Variants in EPB41L4B observed in about 807,000 individuals in gnomAD.
EPB41L4B encodes the protein erythrocyte membrane protein band 4.1 like 4B.
In EPB41L4B, 30 loss-of-function variants were observed where a neutral mutation model predicts 112.5. The observed-to-expected ratio is 0.27, with a 90% CI of 0.20 to 0.36. The LOEUF (loss-of-function observed/expected upper bound fraction) is 0.36, where lower values mean the gene tolerates loss of function less well. Ranked by LOEUF, EPB41L4B falls within the 10% of genes least tolerant of loss-of-function variation. The pLI, the probability that EPB41L4B is intolerant of heterozygous loss-of-function variation, is 1.00. For missense variants in EPB41L4B, 1,024 were observed against 1,133.3 expected, an observed-to-expected ratio of 0.90 and a Z score of 1.38; for synonymous variants, 408 against 439.7, an observed-to-expected ratio of 0.93 and a Z score of 0.90.
chr9:109,252,281 T>C (rs1443017033), intron 12 of EPB41L4B, among the ~76,000 whole-genome samples: 2 of 152,180 alleles, frequency 1.3e-5, no homozygotes, highest in African/African-American at 4.8e-5. Flanking sequence ...CACTGAGCTA[T>C]TTCTGGACAA....
At position 109,197,064 on chromosome 9, in the gene EPB41L4B, G is replaced by T. The variant is rs182756549; in HGVS notation, c.2046-2667C>A. Among the ~76,000 whole-genome samples the T allele has an allele frequency of 6.9e-4, 105 of 152,304 alleles. No individual in the cohort carries two copies. The East Asian group carries it at 0.019, about 28-fold the overall frequency. On this transcript the variant is annotated intron_variant, in intron 20 of 25. Coordinates refer to ENST00000374566, the MANE Select transcript of EPB41L4B (RefSeq NM_019114.5). ...AAAAAATATTTTCCAGAAAATCAGA[G>T]ATCTGAGTTTTCCCATTTATATTCC...
At chr9:109,306,183 C>T (rs1837183946) in intron 1 of EPB41L4B, among the ~76,000 whole-genome samples, 1 of 152,126 alleles carries the variant, frequency 6.6e-6, no homozygotes, top group Non-Finnish European at 1.5e-5. Context: ...CGAGTAAATG[C>T]TATAAGGATT....
intron 1 of EPB41L4B, among the ~76,000 whole-genome samples, chr9:109,283,236 T>C (rs1836138849): frequency 1.3e-5 from 2 of 152,188 alleles, no homozygotes; most frequent in Admixed American, 1.3e-4. Context: ...GGTTCTCCCC[T>C]GACTTGTGTA....
chr9:109,285,372 C>T (rs1836232752), intron 1 of EPB41L4B, among the ~76,000 whole-genome samples: 1 of 152,194 alleles, frequency 6.6e-6, no homozygotes, highest in Non-Finnish European at 1.5e-5. Flanking sequence ...GCAGGTCCCT[C>T]CTGCCATGCT....
At chr9:109,175,921 T>A (rs944736693) in intron 25 of EPB41L4B, among the ~76,000 whole-genome samples, 3 of 152,118 alleles carry the variant, frequency 2.0e-5, no homozygotes, top group African/African-American at 7.2e-5. Flanking sequence ...CTCCCAGGTA[T>A]CTGCAGCTTT....
At chr9:109,194,824 A>G (rs1404146958) in intron 20 of EPB41L4B, among the ~76,000 whole-genome samples, 1 of 152,104 alleles carries the variant, frequency 6.6e-6, no homozygotes, top group Non-Finnish European at 1.5e-5. Flanking sequence ...TGGTAACATC[A>G]ATTCCACTTT....
At chr9:109,189,536 T>C (rs1219129452) in intron 22 of EPB41L4B, among the ~76,000 whole-genome samples, 2 of 152,258 alleles carry the variant, frequency 1.3e-5, no homozygotes, top group Non-Finnish European at 1.5e-5. Flanking sequence ...CTCTTTGGAC[T>C]GTGCTTCTTT....
chr9:109,291,595 TG>T (rs1836534318), intron 1 of EPB41L4B, among the ~76,000 whole-genome samples: 1 of 152,200 alleles, frequency 6.6e-6, no homozygotes, highest in Admixed American at 6.5e-5. Flanking sequence ...TTTCCTGACT[TG>T]CCAGGCTAAC....
At chr9:109,298,451 T>C (rs1259809389) in intron 1 of EPB41L4B, among the ~76,000 whole-genome samples, 4 of 151,906 alleles carry the variant, frequency 2.6e-5, no homozygotes, top group Non-Finnish European at 4.4e-5. Flanking sequence ...GTAGCTGGGA[T>C]TACAGGCGCC....
intron 17 of EPB41L4B, among the ~76,000 whole-genome samples, chr9:109,210,094 A>C (rs1303514365): frequency 6.6e-6 from 1 of 152,156 alleles, no homozygotes; most frequent in Non-Finnish European, 1.5e-5. Flanking sequence ...CCAAAAAAAA[A>C]AGAGCATTGG....
chr9:109,274,350 C>A (rs1222141861), intron 2 of EPB41L4B, among the ~76,000 whole-genome samples: 1 of 152,126 alleles, frequency 6.6e-6, no homozygotes, highest in African/African-American at 2.4e-5. Flanking sequence ...CTCTGCCTGG[C>A]AAACTCCTCT....
intron 15 of EPB41L4B, among the ~76,000 whole-genome samples, chr9:109,222,949 C>A (rs1368597950): frequency 6.6e-6 from 1 of 152,098 alleles, no homozygotes; most frequent in East Asian, 1.9e-4. Context: ...GACCCAGTTC[C>A]CATTTGGCCT....
Position 109,203,687 on chromosome 9 carries a change from G to C in EPB41L4B, c.1922C>G (p.Ser641Cys). 6.2e-7 allele frequency: 1 copy of C among 1,613,934 alleles called. No individual in the cohort carries two copies. Among genetic ancestry groups the C allele is most frequent in the East Asian group, 2.2e-5 (1 of 44,868 alleles). ...CCTTACACTAGCGTCCTGAAGACTG[G>C]ATTTCTTATTGATATTTACAAACGG... ...ESPFVNINKK[S>C]SLQDASVRSP... The change falls in exon 19 of 26, where the codon TCC becomes TGC. Residue 641 changes from serine to cysteine, a missense_variant. Coordinates refer to ENST00000374566, the MANE Select transcript of EPB41L4B (RefSeq NM_019114.5).
intron 22 of EPB41L4B, among the ~76,000 whole-genome samples, chr9:109,186,543 C>A (rs538764655): frequency 1.6e-4 from 24 of 152,218 alleles, no homozygotes; most frequent in Middle Eastern, 3.4e-3. Context: ...CGTGTGATCA[C>A]AGCTCATGGC....
chr9:109,210,035 T>C (rs1020336969), intron 17 of EPB41L4B, among the ~76,000 whole-genome samples: 2 of 152,070 alleles, frequency 1.3e-5, no homozygotes, highest in African/African-American at 4.8e-5. Context: ...GAAAAACAGA[T>C]ATAAATGGCA....
At chr9:109,180,291 T>G (rs1285414699) in intron 24 of EPB41L4B, among the ~76,000 whole-genome samples, 3 of 152,188 alleles carry the variant, frequency 2.0e-5, no homozygotes, top group African/African-American at 7.2e-5. Flanking sequence ...TGCTCCATCT[T>G]GGCCCCCAGC....
intron 22 of EPB41L4B, among the ~76,000 whole-genome samples, chr9:109,189,782 C>T (rs1260562966): frequency 1.3e-5 from 2 of 151,970 alleles, no homozygotes; most frequent in Non-Finnish European, 2.9e-5. Flanking sequence ...ATGTGTGCCA[C>T]CATGCCCAGC....
chr9:109,241,512 T>C, intron 15 of EPB41L4B: 1 of 1,458,884 alleles, frequency 6.9e-7, no homozygotes, highest in Non-Finnish European at 9.0e-7. Context: ...TGGTTTTATC[T>C]TCAAATATTT....
At chr9:109,301,537 C>A (rs1836967440) in intron 1 of EPB41L4B, among the ~76,000 whole-genome samples, 1 of 152,200 alleles carries the variant, frequency 6.6e-6, no homozygotes, top group Non-Finnish European at 1.5e-5. Flanking sequence ...ACCCCCGAGG[C>A]AACAGTTATT....
Sources: gnomAD v4.1 joint callset for allele counts (sites outside exome capture counted in the v4.1 genomes callset) on GRCh38, gnomAD v4.1.1 for gene constraint, MANE v1.5 for transcripts, NCBI Gene and HGNC (gene_info 2026-07-23, HGNC 2026-07-21) for gene names.